The following SLC25A13 variants were observed in gnomAD, a reference collection of about 807,000 sequenced individuals.
SLC25A13 encodes electrogenic aspartate/glutamate antiporter SLC25A13, mitochondrial.
In SLC25A13, 70 loss-of-function variants were observed where a neutral mutation model predicts 85.5. The observed-to-expected ratio is 0.82, with a 90% CI of 0.68 to 1.00. The LOEUF (loss-of-function observed/expected upper bound fraction) is 1.00, where lower values mean the gene tolerates loss of function less well. Among genes scored for constraint, SLC25A13 ranks in the 50% least tolerant of loss-of-function variants. The pLI is 0.00. For missense variants in SLC25A13, 765 were observed against 819.8 expected, an observed-to-expected ratio of 0.93 and a Z score of 0.82; for synonymous variants, 259 against 288.7, an observed-to-expected ratio of 0.90 and a Z score of 1.04.
chr7:96,294,481 T>G (rs1258007600), intron 2 of SLC25A13, among the ~76,000 whole-genome samples: 4 of 151,898 alleles, frequency 2.6e-5, no homozygotes, highest in African/African-American at 9.7e-5. Context: ...TGGTGGTACA[T>G]GCCTATAATC....
intron 13 of SLC25A13, chr7:96,166,897 A>G (rs1370149756): frequency 6.6e-6 from 1 of 152,322 alleles, no homozygotes; most frequent in East Asian, 1.9e-4. Context: ...GGAAAAAAAC[A>G]GAAGGTATAC....
chr7:96,274,937 T>C (rs1798388208), intron 3 of SLC25A13, among the ~76,000 whole-genome samples: 1 of 152,212 alleles, frequency 6.6e-6, no homozygotes, highest in Admixed American at 6.5e-5. Flanking sequence ...TGAAGTCAGG[T>C]AGCATGATGC....
chr7:96,255,780 T>C (rs1797610550), intron 3 of SLC25A13, among the ~76,000 whole-genome samples: 1 of 152,140 alleles, frequency 6.6e-6, no homozygotes, highest in African/African-American at 2.4e-5. Flanking sequence ...CCCCAGATTG[T>C]GGTCTATAAA....
intron 3 of SLC25A13, among the ~76,000 whole-genome samples, chr7:96,240,554 C>A (rs1339488391): frequency 1.3e-5 from 2 of 151,870 alleles, no homozygotes; most frequent in African/African-American, 4.8e-5. Context: ...ACAAGAAATC[C>A]ATATTTGCTG....
intron 2 of SLC25A13, chr7:96,283,558 C>T (rs1798766394): frequency 2.9e-6 from 1 of 343,184 alleles, no homozygotes; most frequent in South Asian, 2.9e-5. Flanking sequence ...CTACAATGCC[C>T]CCAGCATGCT....
At chr7:96,277,462 G>A (rs952877011) in intron 2 of SLC25A13, 124 bp from the exon 3 acceptor site, 11 of 876,526 alleles carry the variant, frequency 1.3e-5, no homozygotes, top group African/African-American at 8.5e-5. Context: ...GATCATGTAC[G>A]CTTCATAATG....
chr7:96,267,379 G>A (rs925090419), intron 3 of SLC25A13, among the ~76,000 whole-genome samples: 3 of 152,216 alleles, frequency 2.0e-5, no homozygotes, highest in South Asian at 2.1e-4. Flanking sequence ...AGGAAAGGCA[G>A]AGAACATGCT....
chr7:96,282,172 T>G (rs1402872436), intron 2 of SLC25A13, among the ~76,000 whole-genome samples: 1 of 152,128 alleles, frequency 6.6e-6, no homozygotes, highest in Non-Finnish European at 1.5e-5. Flanking sequence ...GGATTCCTCA[T>G]GCAACCTTGT....
At chr7:96,308,062 A>C (rs1799820621) in intron 1 of SLC25A13, among the ~76,000 whole-genome samples, 1 of 151,458 alleles carries the variant, frequency 6.6e-6, no homozygotes, top group Non-Finnish European at 1.5e-5. Context: ...CTGAGGTAGG[A>C]GAATCACTTG....
chr7:96,283,434 T>C, intron 2 of SLC25A13: 1 of 428,798 alleles, frequency 2.3e-6, no homozygotes, highest in South Asian at 1.9e-5. Context: ...GAGTTGTTCC[T>C]TTGGCCACAT....
intron 14 of SLC25A13, among the ~76,000 whole-genome samples, chr7:96,139,215 G>A (rs1484564462): frequency 2.0e-5 from 3 of 152,130 alleles, no homozygotes; most frequent in African/African-American, 7.2e-5. Flanking sequence ...AAGCACAGGG[G>A]AAGTTTCGTA....
chr7:96,240,536 G>C (rs2116833421), intron 3 of SLC25A13, among the ~76,000 whole-genome samples: 1 of 152,162 alleles, frequency 6.6e-6, no homozygotes, highest in African/African-American at 2.4e-5. Flanking sequence ...GACCAGAGAT[G>C]AAGAATCACA....
intron 1 of SLC25A13, chr7:96,306,895 C>G: frequency 9.1e-7 from 1 of 1,095,922 alleles, no homozygotes. Context: ...TCACTCCAAT[C>G]TCTCTTGCCC....
At chr7:96,153,880 ATAACT>A (rs1476061553) in intron 13 of SLC25A13, among the ~76,000 whole-genome samples, 1 of 152,260 alleles carries the variant, frequency 6.6e-6, no homozygotes, top group Non-Finnish European at 1.5e-5. Context: ...TTAATAAAGA[ATAACT>A]TAACATGAAA....
intron 1 of SLC25A13, chr7:96,309,476 T>C (rs996465195): frequency 2.0e-5 from 3 of 152,208 alleles, no homozygotes; most frequent in Non-Finnish European, 2.9e-5. Flanking sequence ...ATTACTTTGT[T>C]GGGGGATGGA....
At chr7:96,162,183 T>G (rs1793533207) in intron 13 of SLC25A13, among the ~76,000 whole-genome samples, 1 of 152,218 alleles carries the variant, frequency 6.6e-6, no homozygotes, top group Non-Finnish European at 1.5e-5. Context: ...AAGTAAGACT[T>G]AAATCCACTT....
At chr7:96,318,432 A>C (rs544562416) in intron 1 of SLC25A13, among the ~76,000 whole-genome samples, 7 of 152,332 alleles carry the variant, frequency 4.6e-5, no homozygotes, top group Non-Finnish European at 1.0e-4. Context: ...CAAACAACGC[A>C]AACAGTACAG....
chr7:96,194,219 G>A (rs1335076384), intron 5 of SLC25A13, among the ~76,000 whole-genome samples: 3 of 149,042 alleles, frequency 2.0e-5, no homozygotes, highest in Non-Finnish European at 4.4e-5. Context: ...TGGATCCCTT[G>A]AGCCCAGTAG....
At chr7:96,198,806 C>G (rs1434517096) in intron 5 of SLC25A13, among the ~76,000 whole-genome samples, 2 of 151,964 alleles carry the variant, frequency 1.3e-5, no homozygotes, top group Admixed American at 1.3e-4. Flanking sequence ...AGATATATCT[C>G]AAAAATCCAC....
Sources: gnomAD v4.1 joint callset for allele counts (sites outside exome capture counted in the v4.1 genomes callset) on GRCh38, gnomAD v4.1.1 for gene constraint, MANE v1.5 for transcripts, NCBI Gene and HGNC (gene_info 2026-07-23, HGNC 2026-07-21) for gene names.